Variants in PLCB1 observed in about 807,000 individuals in gnomAD.
The protein encoded by PLCB1 is phospholipase C beta 1.
A neutral mutation model predicts 161.8 loss-of-function variants in PLCB1; 46 were observed. The ratio of observed to expected loss-of-function variants is 0.28; its 90% CI spans 0.22 to 0.36. The LOEUF (loss-of-function observed/expected upper bound fraction) is 0.36, where lower values mean the gene tolerates loss of function less well. Among genes scored for constraint, PLCB1 ranks in the 10% least tolerant of loss-of-function variants. The pLI is 1.00. For synonymous variants in PLCB1, 517 were observed against 503.7 expected (o/e 1.03, Z -0.35); for missense variants, 1,016 against 1,472.5 (o/e 0.69, Z 5.07).
intron 2 of PLCB1, among the ~76,000 whole-genome samples, chr20:8,240,482 G>A (rs1171404055): frequency 2.6e-5 from 4 of 151,664 alleles, no homozygotes; most frequent in Admixed American, 1.3e-4. Flanking sequence ...ACATGGATGC[G>A]CCATCATTTT....
intron 2 of PLCB1, among the ~76,000 whole-genome samples, chr20:8,232,275 AT>A (rs1449083210): frequency 6.6e-6 from 1 of 151,910 alleles, no homozygotes; most frequent in African/African-American, 2.4e-5. Flanking sequence ...CAGATTCCTC[AT>A]TTTTTTCTAC....
At chr20:8,166,118 C>A (rs1344032655) in intron 2 of PLCB1, among the ~76,000 whole-genome samples, 5 of 152,144 alleles carry the variant, frequency 3.3e-5, no homozygotes, top group Admixed American at 6.6e-5. Context: ...CCCCTCTTGA[C>A]CCTCACTGGC....
At position 8,681,086 on chromosome 20, in the gene PLCB1, GTATA is replaced by G. The variant is rs202198416; in HGVS notation, c.863-3815_863-3812del. On this transcript the variant is annotated intron_variant, in intron 9 of 31. Transcript: ENST00000338037. ...TATATATGTGTGTATATGTGTGTGT[GTATA>G]TATATATATATATATATATATATAT... Among the ~76,000 whole-genome samples, 243 of 73,840 alleles carry G rather than the reference GTATA, an allele frequency of 3.3e-3. 2 individuals are homozygous for G. Among genetic ancestry groups the G allele is most frequent in the African/African-American group, 9.7e-3 (176 of 18,226 alleles). The allele number at this position is 73,840 out of a possible 152,430, so 48.4% of individuals were successfully genotyped here. A position where few individuals can be genotyped will look rare whatever the true frequency, so the allele number is the denominator to read the frequency against.
At chr20:8,473,437 A>G (rs1982141402) in intron 3 of PLCB1, among the ~76,000 whole-genome samples, 1 of 152,200 alleles carries the variant, frequency 6.6e-6, no homozygotes, top group Non-Finnish European at 1.5e-5. Context: ...TAGAAGGCAC[A>G]TTTTATTGAT....
chr20:8,755,896 C>G (rs1724497626), intron 23 of PLCB1, among the ~76,000 whole-genome samples: 1 of 152,178 alleles, frequency 6.6e-6, no homozygotes, highest in African/African-American at 2.4e-5. Flanking sequence ...CAAGAGTGAC[C>G]TCAGTCTGAC....
intron 3 of PLCB1, among the ~76,000 whole-genome samples, chr20:8,468,628 A>C (rs1365983061): frequency 1.3e-5 from 2 of 152,186 alleles, no homozygotes; most frequent in South Asian, 4.1e-4. Flanking sequence ...TTTTTAAAAC[A>C]TCCTGCTGTT....
intron 31 of PLCB1, among the ~76,000 whole-genome samples, chr20:8,800,201 A>G (rs1984218050): frequency 6.6e-6 from 1 of 152,256 alleles, no homozygotes; most frequent in Non-Finnish European, 1.5e-5. Context: ...CCTTCCAAAT[A>G]GGAAAGCAGT....
chr20:8,308,618 CAAAAAAAAAAA>C (rs71183088), intron 2 of PLCB1, among the ~76,000 whole-genome samples: 2 of 73,614 alleles, frequency 2.7e-5, no homozygotes, highest in Non-Finnish European at 5.6e-5. Flanking sequence ...TTCCGTATAT[CAAAAAAAAAAA>C]AAAAAAAAAA....
At chr20:8,636,386 G>C (rs867345288) in intron 4 of PLCB1, among the ~76,000 whole-genome samples, 4 of 152,130 alleles carry the variant, frequency 2.6e-5, no homozygotes, top group African/African-American at 9.7e-5. Context: ...ATTTTATACT[G>C]GTAGGTGTCC....
At chr20:8,240,257 C>G (rs942993137) in intron 2 of PLCB1, among the ~76,000 whole-genome samples, 4 of 147,914 alleles carry the variant, frequency 2.7e-5, no homozygotes, top group African/African-American at 1.0e-4. Context: ...GCTGTGAAAC[C>G]TTCCAAAATT....
intron 3 of PLCB1, among the ~76,000 whole-genome samples, chr20:8,436,256 A>G (rs535613289): frequency 6.6e-6 from 1 of 151,580 alleles, no homozygotes; most frequent in Admixed American, 6.6e-5. Context: ...AATCACTTTA[A>G]CCTGGAAGGC....
chr20:8,520,653 T>C (rs1417806454), intron 3 of PLCB1, among the ~76,000 whole-genome samples: 3 of 152,216 alleles, frequency 2.0e-5, no homozygotes, highest in Non-Finnish European at 4.4e-5. Flanking sequence ...CATGTTGCCC[T>C]ATTTTAGCTA....
chr20:8,692,570 A>G (rs534081959), intron 10 of PLCB1, among the ~76,000 whole-genome samples: 2 of 152,352 alleles, frequency 1.3e-5, no homozygotes, highest in African/African-American at 2.4e-5. Flanking sequence ...GGATGCTATT[A>G]TTTAATGGCT....
At chr20:8,252,256 C>T (rs1981183453) in intron 2 of PLCB1, among the ~76,000 whole-genome samples, 2 of 151,934 alleles carry the variant, frequency 1.3e-5, no homozygotes, top group African/African-American at 2.4e-5. Flanking sequence ...CAGGCACCTG[C>T]TAGTCTCTGT....
chr20:8,290,240 C>T (rs1002625993), intron 2 of PLCB1, among the ~76,000 whole-genome samples: 1 of 152,190 alleles, frequency 6.6e-6, no homozygotes, highest in Non-Finnish European at 1.5e-5. Context: ...TCCTGGATTA[C>T]TCTGTCTTGG....
intron 2 of PLCB1, among the ~76,000 whole-genome samples, chr20:8,333,198 G>A (rs1205635391): frequency 6.6e-6 from 1 of 152,154 alleles, no homozygotes; most frequent in Non-Finnish European, 1.5e-5. Flanking sequence ...AAAGACATTG[G>A]AGCCTGAGTT....
intron 3 of PLCB1, among the ~76,000 whole-genome samples, chr20:8,410,895 G>T (rs2122510941): frequency 6.6e-6 from 1 of 152,312 alleles, no homozygotes; most frequent in South Asian, 2.1e-4. Flanking sequence ...ATGTGAAGAT[G>T]GAGGCAGAGG....
intron 2 of PLCB1, among the ~76,000 whole-genome samples, chr20:8,186,922 A>C (rs140102078): frequency 1.5e-4 from 23 of 152,180 alleles, no homozygotes; most frequent in Non-Finnish European, 2.6e-4. Context: ...GGCATGCCTT[A>C]ATCTCTCTGT....
At chr20:8,546,680 T>C (rs1305772260) in intron 3 of PLCB1, among the ~76,000 whole-genome samples, 1 of 152,140 alleles carries the variant, frequency 6.6e-6, no homozygotes, top group Non-Finnish European at 1.5e-5. Context: ...GATCTGTGGC[T>C]GAAATGATCA....
Sources: allele counts gnomAD v4.1 joint callset (sites outside exome capture counted in the v4.1 genomes callset), GRCh38; gene constraint gnomAD v4.1.1; transcripts MANE v1.5; gene names NCBI Gene and HGNC (gene_info 2026-07-23, HGNC 2026-07-21).